Variants in SMYD3 observed in about 807,000 individuals in gnomAD.
The protein encoded by SMYD3 is histone-lysine N-methyltransferase SMYD3.
A neutral mutation model predicts 57.7 loss-of-function variants in SMYD3; 36 were observed. The observed-to-expected ratio is 0.62, with a 90% CI of 0.48 to 0.82. The LOEUF (loss-of-function observed/expected upper bound fraction) is 0.82. Ranked by LOEUF, SMYD3 falls within the 40% of genes least tolerant of loss-of-function variation. SMYD3 has a pLI of 0.00. For missense variants in SMYD3, 515 were observed against 538.8 expected (o/e 0.96, Z 0.44); for synonymous variants, 211 against 195.0 (o/e 1.08, Z -0.68).
chr1:245,894,341 A>T lies in SMYD3; in HGVS notation c.813+21189T>A, dbSNP rs116818987. ...AACCTATCAGCACTCTGTAAAAGGAACCAATCAGCAGGACATGGGTGGGGA... is the reference window on the plus strand; with the variant it reads ...AACCTATCAGCACTCTGTAAAAGGATCCAATCAGCAGGACATGGGTGGGGA... On this transcript the variant is annotated intron_variant, in intron 8 of 11. Coordinates refer to ENST00000490107, the MANE Select transcript of SMYD3 (RefSeq NM_001167740.2). Among the ~76,000 whole-genome samples, 649 of 151,052 alleles carry T rather than the reference A, an allele frequency of 4.3e-3. 6 individuals carry two copies. The highest frequency in any genetic ancestry group is 0.015 in the African/African-American group (629 of 40,994).
At chr1:245,758,021 T>C (rs926780303) in intron 11 of SMYD3, among the ~76,000 whole-genome samples, 11 of 152,300 alleles carry the variant, frequency 7.2e-5, no homozygotes, top group African/African-American at 2.6e-4. Context: ...TTGGGTAATA[T>C]TGACATCTTA....
chr1:245,959,558 C>A (rs2057945528), intron 5 of SMYD3, among the ~76,000 whole-genome samples: 1 of 152,162 alleles, frequency 6.6e-6, no homozygotes, highest in African/African-American at 2.4e-5. Context: ...GGGGAGCTGA[C>A]CAACTAGATG....
At chr1:246,228,621 T>C (rs935422122) in intron 5 of SMYD3, among the ~76,000 whole-genome samples, 11 of 152,214 alleles carry the variant, frequency 7.2e-5, no homozygotes, top group Non-Finnish European at 4.4e-5. Flanking sequence ...TTAGTATCTA[T>C]TAATAGATAC....
At chr1:246,088,570 A>C (rs932365767) in intron 5 of SMYD3, among the ~76,000 whole-genome samples, 6 of 136,462 alleles carry the variant, frequency 4.4e-5, no homozygotes, top group Admixed American at 4.3e-4. Context: ...AGATCATGCC[A>C]CTGCACTCCA....
intron 5 of SMYD3, among the ~76,000 whole-genome samples, chr1:246,115,997 G>C (rs1180572171): frequency 6.6e-6 from 1 of 152,050 alleles, no homozygotes; most frequent in Non-Finnish European, 1.5e-5. Context: ...AAATTAGCTG[G>C]GCGTGGTGGC....
Position 245,858,493 on chromosome 1 carries a change from T to C in SMYD3, c.1076+3A>G. On this transcript the variant is annotated splice_donor_region_variant and intron_variant, in intron 10 of 11. Transcript: ENST00000490107. The stretch of plus-strand genomic sequence containing the variant: ...TTATGTCAGCCCTCTCCCTGGGACT[T>C]GCCTGTATGGCTCCATGGTCCGAGT... 5 of 1,613,040 alleles carry C rather than the reference T, an allele frequency of 3.1e-6. No homozygotes were observed. Among genetic ancestry groups the C allele is most frequent in the Non-Finnish European group, 4.2e-6 (5 of 1,179,584 alleles).
chr1:246,086,172 C>T (rs1422104450), intron 5 of SMYD3, among the ~76,000 whole-genome samples: 1 of 151,826 alleles, frequency 6.6e-6, no homozygotes, highest in Non-Finnish European at 1.5e-5. Flanking sequence ...TATATGGACA[C>T]CCCACCACAG....
intron 5 of SMYD3, among the ~76,000 whole-genome samples, chr1:246,286,822 G>A (rs2064575639): frequency 6.6e-6 from 1 of 151,536 alleles, no homozygotes; most frequent in South Asian, 2.1e-4. Flanking sequence ...TAAAACTGTA[G>A]TGGTATATCT....
chr1:246,271,664 T>C (rs2064225919), intron 5 of SMYD3, among the ~76,000 whole-genome samples: 1 of 152,230 alleles, frequency 6.6e-6, no homozygotes, highest in African/African-American at 2.4e-5. Context: ...TATATGTCTG[T>C]CTTTATGCCA....
At chr1:245,866,575 T>C (rs953698445) in intron 8 of SMYD3, among the ~76,000 whole-genome samples, 10 of 151,832 alleles carry the variant, frequency 6.6e-5, no homozygotes, top group Non-Finnish European at 8.8e-5. Flanking sequence ...CTACTAAAAA[T>C]ATAAAAACTA....
intron 5 of SMYD3, among the ~76,000 whole-genome samples, chr1:246,069,996 G>C (rs924248213): frequency 6.6e-6 from 1 of 152,162 alleles, no homozygotes; most frequent in Non-Finnish European, 1.5e-5. Context: ...GGCTTGTGGA[G>C]GTGCTGGCCA....
chr1:246,048,807 A>G lies in SMYD3; in HGVS notation c.532-118870T>C, dbSNP rs10399628. Among the ~76,000 whole-genome samples, 630 of 152,248 alleles carry G rather than the reference A, an allele frequency of 4.1e-3. 2 individuals carry two copies. The highest frequency in any genetic ancestry group is 0.015 in the African/African-American group (604 of 41,542). ...AAAAAAAAAAGTGTTCTTAAAATCAATTTCAAGAAAATTAAGTCACAAAGT... is the reference window on the plus strand; with the variant it reads ...AAAAAAAAAAGTGTTCTTAAAATCAGTTTCAAGAAAATTAAGTCACAAAGT... On this transcript the variant is annotated intron_variant, in intron 5 of 11. Coordinates refer to ENST00000490107, the MANE Select transcript of SMYD3 (RefSeq NM_001167740.2).
chr1:246,142,702 T>A lies in SMYD3; in HGVS notation c.531+184499A>T, dbSNP rs1356092930. Reference sequence around the variant, plus strand: ...ATTTCTGGAATTTTCCATGTAATATTTTTAGACTGTAGTTGACCAAAGGTA... The same window carrying A: ...ATTTCTGGAATTTTCCATGTAATATATTTAGACTGTAGTTGACCAAAGGTA... On this transcript the variant is annotated intron_variant, in intron 5 of 11. Transcript: ENST00000490107. 3.3e-5 allele frequency among the ~76,000 whole-genome samples: 5 copies of A among 152,314 alleles called. No homozygotes were observed. In the East Asian group the frequency reaches 9.6e-4, roughly 29 times the overall value.
At chr1:245,892,157 G>C (rs2053427772) in intron 8 of SMYD3, among the ~76,000 whole-genome samples, 1 of 152,182 alleles carries the variant, frequency 6.6e-6, no homozygotes, top group Non-Finnish European at 1.5e-5. Context: ...CTAAAAATTG[G>C]AACAGGAGGA....
At chr1:246,494,417 G>A (rs767462390) in intron 1 of SMYD3, among the ~76,000 whole-genome samples, 13 of 152,000 alleles carry the variant, frequency 8.6e-5, no homozygotes, top group Non-Finnish European at 1.5e-4. Flanking sequence ...AGCATTACCT[G>A]TGAAGCTTTA....
chr1:246,222,354 C>G (rs1381287063), intron 5 of SMYD3, among the ~76,000 whole-genome samples: 10 of 152,118 alleles, frequency 6.6e-5, no homozygotes, highest in Non-Finnish European at 1.5e-5. Flanking sequence ...GAACAAAGCA[C>G]AGAGAGATCC....
rs2057817753 is a variant in SMYD3, at chr1:245,955,664, A to G, written c.532-25727T>C. ...TTAATCTACTGTGCCTAAGTTATAA[A>G]TTAAACTTTATTGTAAGTATGTATA... On this transcript the variant is annotated intron_variant, in intron 5 of 11. Coordinates refer to ENST00000490107, the MANE Select transcript of SMYD3 (RefSeq NM_001167740.2). Among the ~76,000 whole-genome samples, 4 of 152,270 alleles carry G rather than the reference A, an allele frequency of 2.6e-5. No individual in the cohort carries two copies. The Middle Eastern group carries it at 0.014, about 518-fold the overall frequency.
At chr1:246,125,075 A>ACACACACACAC (rs1558250596) in intron 5 of SMYD3, among the ~76,000 whole-genome samples, 17 of 73,716 alleles carry the variant, frequency 2.3e-4, no homozygotes, top group South Asian at 7.4e-4. Context: ...CCGTCTCAAA[A>ACACACACACAC]AAAAAAAAAA....
chr1:246,114,044 A>C (rs1328456019), intron 5 of SMYD3, among the ~76,000 whole-genome samples: 1 of 152,208 alleles, frequency 6.6e-6, no homozygotes, highest in Non-Finnish European at 1.5e-5. Flanking sequence ...GCAGTTTTTC[A>C]TAGTGAAGCC....
Sources: allele counts gnomAD v4.1 joint callset (sites outside exome capture counted in the v4.1 genomes callset), GRCh38; gene constraint gnomAD v4.1.1; transcripts MANE v1.5; gene names NCBI Gene and HGNC (gene_info 2026-07-23, HGNC 2026-07-21).